Variants in UST observed in about 807,000 individuals in gnomAD.
UST encodes uronyl 2-sulfotransferase, also known as chondroitin sulfate 2-O-sulfotransferase.
A neutral mutation model predicts 45.6 loss-of-function variants in UST; 21 were observed. The observed-to-expected ratio is 0.46, with a 90% confidence interval of 0.33 to 0.66. The LOEUF is 0.66. UST is among the 30% of genes least tolerant of loss of function. UST has a pLI of 0.02. For synonymous variants in UST, 215 were observed against 200.6 expected, an observed-to-expected ratio of 1.07 and a Z score of -0.61; for missense variants, 463 against 512.4, an observed-to-expected ratio of 0.90 and a Z score of 0.93.
intron 1 of UST, among the ~76,000 whole-genome samples, chr6:148,756,524 A>G (rs933782339): frequency 6.6e-6 from 1 of 152,232 alleles, no homozygotes; most frequent in African/African-American, 2.4e-5. Context: ...TTGATTGTCT[A>G]TAATTTCCCC....
chr6:148,782,161 G>A (rs1213288263), intron 1 of UST, among the ~76,000 whole-genome samples: 1 of 150,820 alleles, frequency 6.6e-6, no homozygotes, highest in Non-Finnish European at 1.5e-5. Context: ...CATGGATAGT[G>A]ATTCCTCTGA....
chr6:148,964,386 T>G (rs1463751289), intron 4 of UST, 24 bp from the exon 5 acceptor site: 1 of 1,613,654 alleles, frequency 6.2e-7, no homozygotes, highest in South Asian at 1.1e-5. Context: ...TGATGGGTTG[T>G]AACGAACTCA....
chr6:149,058,789 T>A lies in UST; in HGVS notation c.938-15044T>A, dbSNP rs537014984. On this transcript the variant is annotated intron_variant, in intron 7 of 7. Transcript: ENST00000367463. ...AGTTTTTTTTAGAAGTAGATATTTT[T>A]AAACAGAAATATCTGCTTCAATTGT... is the stretch of plus-strand genomic sequence containing the variant. 2.6e-5 allele frequency among the ~76,000 whole-genome samples: 4 copies of A among 152,344 alleles called. No individual in the cohort carries two copies. In the South Asian group the frequency reaches 8.3e-4, roughly 32 times the overall value.
intron 5 of UST, among the ~76,000 whole-genome samples, chr6:149,009,033 A>G (rs1775763360): frequency 6.6e-6 from 1 of 152,262 alleles, no homozygotes; most frequent in East Asian, 1.9e-4. Flanking sequence ...AGCAAATGGA[A>G]ACAATAATCC....
chr6:148,807,015 T>C (rs1385821816), intron 1 of UST, among the ~76,000 whole-genome samples: 2 of 152,212 alleles, frequency 1.3e-5, no homozygotes, highest in Non-Finnish European at 2.9e-5. Flanking sequence ...AGAGGGGACA[T>C]TAAACCACAG....
intron 1 of UST, among the ~76,000 whole-genome samples, chr6:148,835,137 C>A (rs1377207103): frequency 6.6e-6 from 1 of 151,506 alleles, no homozygotes; most frequent in Non-Finnish European, 1.5e-5. Flanking sequence ...CAGAAAAACA[C>A]AATAAAAAAT....
At chr6:148,876,480 C>A (rs138831694) in intron 1 of UST, among the ~76,000 whole-genome samples, 57 of 152,224 alleles carry the variant, frequency 3.7e-4, no homozygotes, top group African/African-American at 1.4e-3. Context: ...TTTCCAAAGT[C>A]ACTCGGCTAG....
intron 2 of UST, among the ~76,000 whole-genome samples, chr6:148,908,916 T>TG (rs1779421693): frequency 6.6e-6 from 1 of 152,240 alleles, no homozygotes; most frequent in Non-Finnish European, 1.5e-5. Context: ...TCAGTTCATG[T>TG]GAATCTCTTT....
intron 1 of UST, among the ~76,000 whole-genome samples, chr6:148,778,662 A>G (rs6933206): frequency 0.3 from 46,088 of 152,058 alleles, 7,089 homozygotes; most frequent in South Asian, 0.34. Flanking sequence ...TGGCAGGAAC[A>G]TGGTTGGAGG....
chr6:148,891,490 TAA>T (rs749354417), intron 2 of UST, among the ~76,000 whole-genome samples: 1 of 152,188 alleles, frequency 6.6e-6, no homozygotes, highest in Non-Finnish European at 1.5e-5. Context: ...ATAAATGATA[TAA>T]GAGAGGAAGT....
At chr6:148,763,337 C>G (rs1037486726) in intron 1 of UST, among the ~76,000 whole-genome samples, 1 of 152,014 alleles carries the variant, frequency 6.6e-6, no homozygotes, top group African/African-American at 2.4e-5. Context: ...TGTCCTTTGC[C>G]CACTTTTTAA....
intron 1 of UST, among the ~76,000 whole-genome samples, chr6:148,822,142 G>T (rs1473926379): frequency 6.6e-6 from 1 of 152,114 alleles, no homozygotes. Context: ...CTACTGGAAG[G>T]TTGCTGCTTC....
At chr6:148,848,282 G>T (rs1196770048) in intron 1 of UST, among the ~76,000 whole-genome samples, 3 of 152,070 alleles carry the variant, frequency 2.0e-5, no homozygotes, top group Non-Finnish European at 4.4e-5. Flanking sequence ...CCTGACCATG[G>T]TATAGTTATT....
chr6:149,053,304 T>A (rs1012586523), intron 7 of UST, among the ~76,000 whole-genome samples: 3 of 152,182 alleles, frequency 2.0e-5, no homozygotes, highest in Admixed American at 6.5e-5. Context: ...TAATAGTAAT[T>A]TGGTCTTGTT....
intron 5 of UST, chr6:148,964,811 G>A (rs748729508): frequency 3.9e-6 from 2 of 514,218 alleles, no homozygotes; most frequent in Non-Finnish European, 6.9e-6. Flanking sequence ...TTAGTGCTAG[G>A]TTTTGGGACC....
intron 1 of UST, among the ~76,000 whole-genome samples, chr6:148,755,876 C>CT (rs1582790257): frequency 6.6e-6 from 1 of 152,122 alleles, no homozygotes; most frequent in East Asian, 1.9e-4. Context: ...TTTAATTATA[C>CT]TTTAAGTTCT....
intron 4 of UST, 78 bp downstream of exon 4, chr6:148,954,029 A>G (rs1780427280): frequency 5.1e-6 from 6 of 1,187,388 alleles, no homozygotes; most frequent in Non-Finnish European, 7.1e-6. Context: ...CTTTATTTAC[A>G]AGGCAGTGCA....
intron 1 of UST, among the ~76,000 whole-genome samples, chr6:148,813,211 G>A (rs1382922781): frequency 6.6e-6 from 1 of 152,070 alleles, no homozygotes; most frequent in East Asian, 1.9e-4. Context: ...TCCAGTAAGT[G>A]CCCTCAGTTG....
At chr6:148,763,454 C>T (rs1434563573) in intron 1 of UST, among the ~76,000 whole-genome samples, 2 of 152,068 alleles carry the variant, frequency 1.3e-5, no homozygotes, top group Non-Finnish European at 2.9e-5. Flanking sequence ...TCCCTTTCTG[C>T]AAGTTGTTTG....
Sources: allele counts gnomAD v4.1 joint callset (sites outside exome capture counted in the v4.1 genomes callset), GRCh38; gene constraint gnomAD v4.1.1; transcripts MANE v1.5; gene names NCBI Gene and HGNC (gene_info 2026-07-23, HGNC 2026-07-21).